FBXO45: variants seen among roughly 807,000 people sequenced by gnomAD.
FBXO45 encodes F-box protein 45.
In FBXO45, 3 loss-of-function variants were observed where a neutral mutation model predicts 25.5. The observed-to-expected ratio is 0.12, with a 90% CI of 0.05 to 0.30. The LOEUF (loss-of-function observed/expected upper bound fraction) is 0.30. Among genes scored for constraint, FBXO45 ranks in the 10% least tolerant of loss-of-function variants. FBXO45 has a pLI of 1.00. For synonymous variants in FBXO45, 155 were observed against 149.8 expected (o/e 1.03, Z -0.25); for missense variants, 219 against 365.0 (o/e 0.60, Z 3.26).
chr3:196,577,418 T>G, intron 1 of FBXO45, 35 bp from the exon 2 acceptor site: 1 of 1,397,956 alleles, frequency 7.2e-7, no homozygotes, highest in Non-Finnish European at 9.7e-7. Flanking sequence ...AAAAATAAAA[T>G]TGTTATTTAT....
At chr3:196,573,432 A>G (rs894971530) in intron 1 of FBXO45, among the ~76,000 whole-genome samples, 8 of 152,236 alleles carry the variant, frequency 5.3e-5, no homozygotes, top group African/African-American at 1.9e-4. Flanking sequence ...TTTGAACAGC[A>G]GAGTGACAAA....
chr3:196,569,372 C>A lies in FBXO45; in HGVS notation c.318+70C>A. 1 of 1,411,250 alleles carries A rather than the reference C, an allele frequency of 7.1e-7. No homozygotes were observed. Among genetic ancestry groups the A allele is most frequent in the Non-Finnish European group, 9.5e-7 (1 of 1,057,758 alleles). 87.4% of individuals were successfully genotyped at this position (1,411,250 alleles called of 1,614,324 possible). A position where few individuals can be genotyped will look rare whatever the true frequency, so the allele number is the denominator to read the frequency against. On this transcript the variant is annotated intron_variant, in intron 1 of 2. Transcript: ENST00000311630. This position sits in a 1 kb window ranked among gnomAD's most constrained non-coding sequence, Gnocchi z 4.1. Reference sequence around the variant, plus strand: ...CGGCGTCGTTCGCGGTGTTTCTCATCCGAGCTTCTGAGTCAGAAGCTTCGC... The same window carrying A: ...CGGCGTCGTTCGCGGTGTTTCTCATACGAGCTTCTGAGTCAGAAGCTTCGC...
At chr3:196,575,603 GTTAT>G (rs1261789698) in intron 1 of FBXO45, among the ~76,000 whole-genome samples, 2 of 151,708 alleles carry the variant, frequency 1.3e-5, no homozygotes, top group Non-Finnish European at 2.9e-5. Flanking sequence ...ATTCTCTTGA[GTTAT>G]TTAGACAGTA....
At chr3:196,582,407 G>A (rs961465539) in intron 2 of FBXO45, among the ~76,000 whole-genome samples, 4 of 152,162 alleles carry the variant, frequency 2.6e-5, no homozygotes, top group African/African-American at 9.7e-5. Context: ...ATAAAATGAG[G>A]TGTGGGTTAA....
chr3:196,580,456 TG>T (rs1319267683), intron 2 of FBXO45, among the ~76,000 whole-genome samples: 5 of 152,086 alleles, frequency 3.3e-5, no homozygotes, highest in Non-Finnish European at 7.4e-5. Context: ...GTGATCCGCC[TG>T]CCTCAGCCTC....
rs986538003 is a variant in FBXO45 at position 196,587,098 on chromosome 3, T to C, written c.*2780T>C. 2.0e-5 allele frequency: 3 copies of C among 152,228 alleles called. No homozygotes were observed. The highest frequency in any genetic ancestry group is 7.2e-5 in the African/African-American group (3 of 41,456). 9.4% of individuals were successfully genotyped at this position (152,228 alleles called of 1,614,324 possible). A position where few individuals can be genotyped will look rare whatever the true frequency, so the allele number is the denominator to read the frequency against. Reference sequence around the variant, plus strand: ...TGTTGACTTGGGAAACCTGGAGCACTTTCTTTGGTTGGTTAACGAAGCATG... The same window carrying C: ...TGTTGACTTGGGAAACCTGGAGCACCTTCTTTGGTTGGTTAACGAAGCATG... On this transcript the variant is annotated 3_prime_UTR_variant, in exon 3 of 3. Transcript: ENST00000311630.
In FBXO45 at chr3:196,586,611, T is replaced by A. The variant is rs967141223; in HGVS notation, c.*2293T>A. 2 of 152,212 alleles carry A rather than the reference T, an allele frequency of 1.3e-5. No individual in the cohort carries two copies. Among genetic ancestry groups the A allele is most frequent in the Admixed American group, 1.3e-4 (2 of 15,268 alleles). The allele number at this position is 152,212 out of a possible 1,614,324, so 9.4% of individuals were successfully genotyped here. ...AGTGCTCAAGGAGATGGAATATCTTTGTCATTGGTGCTGAGGAGAGCATTT... is the reference window on the plus strand; with the variant it reads ...AGTGCTCAAGGAGATGGAATATCTTAGTCATTGGTGCTGAGGAGAGCATTT... On this transcript the variant is annotated 3_prime_UTR_variant, in exon 3 of 3. Transcript: ENST00000311630.
At chr3:196,581,192 C>A (rs1736003586) in intron 2 of FBXO45, among the ~76,000 whole-genome samples, 1 of 134,818 alleles carries the variant, frequency 7.4e-6, no homozygotes, top group African/African-American at 2.7e-5. Flanking sequence ...TTGTACACTT[C>A]AGCTTTAGAA....
rs567115627 is a variant in FBXO45, at chr3:196,586,900, A to G, written c.*2582A>G. On this transcript the variant is annotated 3_prime_UTR_variant, in exon 3 of 3. Transcript: ENST00000311630. ...CCTTGAGTTTTCTCATCTGCAAAATAGAAAAAAAAAAATCCTTGCTCCCTC... is the reference window on the plus strand; with the variant it reads ...CCTTGAGTTTTCTCATCTGCAAAATGGAAAAAAAAAAATCCTTGCTCCCTC... 1 of 135,840 alleles carries G rather than the reference A, an allele frequency of 7.4e-6. No individual in the cohort carries two copies. Among genetic ancestry groups the G allele is most frequent in the Admixed American group, 8.1e-5 (1 of 12,356 alleles). 8.4% of individuals were successfully genotyped at this position (135,840 alleles called of 1,614,324 possible).
In FBXO45 at chr3:196,577,445, C is replaced by A; in HGVS notation, c.319-8C>A. 1.3e-6 allele frequency: 2 copies of A among 1,532,632 alleles called. No individual in the cohort carries two copies. The highest frequency in any genetic ancestry group is 1.8e-6 in the Non-Finnish European group (2 of 1,128,522). The allele number at this position is 1,532,632 out of a possible 1,614,324, so 94.9% of individuals were successfully genotyped here. A position where few individuals can be genotyped will look rare whatever the true frequency, so the allele number is the denominator to read the frequency against. ...GTTATTTATTTGGTCTGTTTTTCAT[C>A]TTTTTAGATACGTGCTTTTCAACAT... On this transcript the variant is annotated splice_polypyrimidine_tract_variant and splice_region_variant and intron_variant, in intron 1 of 2. Coordinates refer to ENST00000311630, the MANE Select transcript of FBXO45 (RefSeq NM_001105573.2).
Position 196,569,149 on chromosome 3 carries a change from G to C in FBXO45, c.165G>C (p.Glu55Asp), listed in dbSNP as rs1169294103. Residue 55 changes from glutamate (E) to aspartate (D), a missense_variant, in exon 1 of 3, where the codon GAG (glutamate) becomes GAC (aspartate). Glu to Asp is a conservative substitution (Grantham distance 45). Transcript: ENST00000311630. The surrounding 1 kb of genome is among the most constrained non-coding windows in gnomAD (Gnocchi z 4.1). ...ELVFSYLELS[E>D]LRSCALVCKH... ...TGTTCTCTTACCTGGAGCTGTCCGA[G>C]CTGCGGAGCTGCGCCCTGGTGTGCA... 1 of 1,550,786 alleles carries C rather than the reference G, an allele frequency of 6.4e-7. No homozygotes were observed. Among genetic ancestry groups the C allele is most frequent in the Non-Finnish European group, 8.7e-7 (1 of 1,146,828 alleles).
chr3:196,578,060 A>G (rs199675341), intron 2 of FBXO45, among the ~76,000 whole-genome samples: 1 of 11,072 alleles, frequency 9.0e-5, no homozygotes, highest in Non-Finnish European at 1.6e-4. Flanking sequence ...TTTTTTTTTT[A>G]GACAGAATCT....
Position 196,584,081 on chromosome 3 carries a change from C to T in FBXO45, c.676-52C>T. 6.5e-7 allele frequency: 1 copy of T among 1,531,464 alleles called. No individual in the cohort carries two copies. The highest frequency in any genetic ancestry group is 1.2e-5 in the South Asian group (1 of 83,974). 94.9% of individuals were successfully genotyped at this position (1,531,464 alleles called of 1,614,324 possible). ...CTTCTTGATTTGTGTCTTGTTTCTT[C>T]TAGCTACACCCTTGGCAGATTTTCT... On this transcript the variant is annotated intron_variant, in intron 2 of 2. Coordinates refer to ENST00000311630, the MANE Select transcript of FBXO45 (RefSeq NM_001105573.2). The surrounding 1 kb of genome is among the most constrained non-coding windows in gnomAD (Gnocchi z 4.3).
intron 1 of FBXO45, among the ~76,000 whole-genome samples, chr3:196,573,991 G>A (rs1020447913): frequency 4.8e-5 from 7 of 145,972 alleles, no homozygotes; most frequent in East Asian, 2.1e-4. Context: ...AGGCTGGAGC[G>A]CAGTGGCACA....
rs1577601953 is a variant in FBXO45, at chr3:196,587,287, A to G, written c.*2969A>G. On this transcript the variant is annotated 3_prime_UTR_variant, in exon 3 of 3. Transcript: ENST00000311630. Reference sequence around the variant, plus strand: ...TTCATTAAATCTTTTCATACAAGGAATTTGTGGTTAATGTCATTTCATAGT... The same window carrying G: ...TTCATTAAATCTTTTCATACAAGGAGTTTGTGGTTAATGTCATTTCATAGT... 6.6e-6 allele frequency: 1 copy of G among 152,200 alleles called. No homozygotes were observed. Among genetic ancestry groups the G allele is most frequent in the Non-Finnish European group, 1.5e-5 (1 of 68,018 alleles). 9.4% of individuals were successfully genotyped at this position (152,200 alleles called of 1,614,324 possible). A position where few individuals can be genotyped will look rare whatever the true frequency, so the allele number is the denominator to read the frequency against.
Position 196,584,056 on chromosome 3 carries a change from C to A in FBXO45, c.676-77C>A. 1 of 1,367,278 alleles carries A rather than the reference C, an allele frequency of 7.3e-7. No individual in the cohort carries two copies. The highest frequency in any genetic ancestry group is 1.0e-6 in the Non-Finnish European group (1 of 984,680). The allele number at this position is 1,367,278 out of a possible 1,614,324, so 84.7% of individuals were successfully genotyped here. A position where few individuals can be genotyped will look rare whatever the true frequency, so the allele number is the denominator to read the frequency against. On this transcript the variant is annotated intron_variant, in intron 2 of 2. Transcript: ENST00000311630. This position sits in a 1 kb window ranked among gnomAD's most constrained non-coding sequence, Gnocchi z 4.3. ...AGGATAATATTCTTAATATTTTCAA[C>A]TTCTTGATTTGTGTCTTGTTTCTTC...
At chr3:196,581,444 T>C (rs1238457287) in intron 2 of FBXO45, among the ~76,000 whole-genome samples, 1 of 151,918 alleles carries the variant, frequency 6.6e-6, no homozygotes, top group Non-Finnish European at 1.5e-5. Context: ...TTGGCCAGGA[T>C]GGTCTCGATC....
At position 196,577,608 on chromosome 3, in the gene FBXO45, A is replaced by G; in HGVS notation, c.474A>G (p.Glu158=). The part of the protein sequence containing the change: ...IGFSEGRHAW[E]VWWEGPLGTV... ...TCAGTGAGGGCCGCCATGCATGGGA[A>G]GTGTGGTGGGAGGGCCCTCTGGGCA... Residue 158 remains glutamate, a synonymous_variant, in exon 2 of 3, where the codon GAA becomes GAG. Transcript: ENST00000311630. 6.2e-7 allele frequency: 1 copy of G among 1,613,956 alleles called. No individual in the cohort carries two copies. Among genetic ancestry groups the G allele is most frequent in the Non-Finnish European group, 8.5e-7 (1 of 1,179,864 alleles).
chr3:196,570,712 C>CTTTTTTTTTTTT (rs71161937), intron 1 of FBXO45, among the ~76,000 whole-genome samples: 5 of 99,852 alleles, frequency 5.0e-5, no homozygotes, highest in Admixed American at 1.2e-4. Flanking sequence ...TTTCTTTTTT[C>CTTTTTTTTTTTT]TTTTTTTTTT....
Sources: gnomAD v4.1 joint callset for allele counts (sites outside exome capture counted in the v4.1 genomes callset) on GRCh38, gnomAD v4.1.1 for gene constraint, Gnocchi (gnomAD v3.1) non-coding constraint, MANE v1.5 for transcripts, NCBI Gene and HGNC (gene_info 2026-07-23, HGNC 2026-07-21) for gene names.